Variants in MYH9 observed in about 807,000 individuals in gnomAD.
The protein encoded by MYH9 is myosin heavy chain 9.
In MYH9, 29 loss-of-function variants were observed where a neutral mutation model predicts 241.9. The ratio of observed to expected loss-of-function variants is 0.12; its 90% confidence interval spans 0.09 to 0.16. The LOEUF is 0.16. MYH9 is among the 10% of genes least tolerant of loss of function. MYH9 has a pLI of 1.00. For synonymous variants in MYH9, 1,047 were observed against 1,062.6 expected (o/e 0.99, Z 0.29); for missense variants, 1,803 against 2,595.5 (o/e 0.69, Z 6.63).
At position 36,283,308 on chromosome 22, in the gene MYH9, G is replaced by A. The variant is rs1282900254; in HGVS notation, c.5766-523C>T. Reference sequence around the variant, plus strand: ...TCTCAGCTCTCTGGGAGGCCGAGGCGGGTGGAGCACCTGAGGTCAGGAGTT... The same window carrying A: ...TCTCAGCTCTCTGGGAGGCCGAGGCAGGTGGAGCACCTGAGGTCAGGAGTT... On this transcript the variant is annotated intron_variant, in intron 40 of 40. Transcript: ENST00000216181. Among the ~76,000 whole-genome samples, 5 of 152,140 alleles carry A rather than the reference G, an allele frequency of 3.3e-5. No homozygotes were observed. The East Asian group carries it at 5.8e-4, about 18-fold the overall frequency.
chr22:36,371,633 TCATGC>T (rs2018091371), intron 1 of MYH9, among the ~76,000 whole-genome samples: 1 of 152,208 alleles, frequency 6.6e-6, no homozygotes, highest in Non-Finnish European at 1.5e-5. Context: ...CCTCCCAGGT[TCATGC>T]GATTCTTCCT....
Position 36,301,679 on chromosome 22 carries a change from T to C in MYH9, c.2500-14A>G, listed in dbSNP as rs199505086. ...CAGCGGCTTGACCTGGGAGAGGAGA[T>C]AGAGGTAGAGACATGCTCGGCTGGA... On this transcript the variant is annotated splice_polypyrimidine_tract_variant and intron_variant, in intron 20 of 40. Transcript: ENST00000216181. The C allele has an allele frequency of 4.5e-4, 719 of 1,612,298 alleles. 2 individuals carry two copies. Among genetic ancestry groups the C allele is most frequent in the South Asian group, 1.5e-3 (137 of 91,080 alleles).
At chr22:36,301,140 G>A in intron 21 of MYH9, 83 bp from the exon 22 acceptor site, 2 of 1,338,178 alleles carry the variant, frequency 1.5e-6, no homozygotes, top group Non-Finnish European at 2.1e-6. Flanking sequence ...CATGGCTCGG[G>A]ATCCCAGAGG....
chr22:36,355,775 C>CT (rs1353903514), intron 1 of MYH9, among the ~76,000 whole-genome samples: 1 of 152,192 alleles, frequency 6.6e-6, no homozygotes, highest in East Asian at 1.9e-4. Flanking sequence ...CAATGCCCTG[C>CT]TCCGTTTCCC....
At position 36,308,747 on chromosome 22, in the gene MYH9, T is replaced by C. The variant is rs1246054874; in HGVS notation, c.1843+535A>G. On this transcript the variant is annotated intron_variant, in intron 15 of 40. Transcript: ENST00000216181. ...GCGCGAGAAAACCTAGGCAGAAGCA[T>C]TTCTTGCACAGCTTTGGACGCACCA... 6 of 922,442 alleles carry C rather than the reference T, an allele frequency of 6.5e-6. No individual in the cohort carries two copies. In the African/African-American group the frequency reaches 1.1e-4, roughly 17 times the overall value. The allele number at this position is 922,442 out of a possible 1,614,324, so 57.1% of individuals were successfully genotyped here.
intron 2 of MYH9, among the ~76,000 whole-genome samples, chr22:36,347,787 A>G (rs1405154541): frequency 2.2e-5 from 3 of 138,208 alleles, no homozygotes; most frequent in Non-Finnish European, 3.1e-5. Context: ...GGCCAATTAA[A>G]AAAGACCCTG....
intron 1 of MYH9, among the ~76,000 whole-genome samples, chr22:36,376,571 G>A (rs780374920): frequency 4.6e-5 from 7 of 152,102 alleles, no homozygotes; most frequent in Non-Finnish European, 8.8e-5. Flanking sequence ...GAGTCTCTGC[G>A]GACTGACTTG....
chr22:36,337,629 G>A (rs1441600559), intron 3 of MYH9, among the ~76,000 whole-genome samples: 1 of 152,224 alleles, frequency 6.6e-6, no homozygotes, highest in Middle Eastern at 3.2e-3. Flanking sequence ...AGCTCAGGAA[G>A]GAAATCTTTG....
At chr22:36,331,309 CA>C (rs1409084587) in intron 3 of MYH9, among the ~76,000 whole-genome samples, 1 of 152,194 alleles carries the variant, frequency 6.6e-6, no homozygotes, top group Non-Finnish European at 1.5e-5. Flanking sequence ...CCCAACTGAG[CA>C]ATTCCCTGGC....
intron 1 of MYH9, among the ~76,000 whole-genome samples, chr22:36,351,140 G>A (rs1285816965): frequency 6.6e-6 from 1 of 152,192 alleles, no homozygotes; most frequent in Non-Finnish European, 1.5e-5. Context: ...CAAGGCCAAG[G>A]GGCTCCCCTG....
intron 20 of MYH9, 198 bp downstream of exon 20, chr22:36,302,370 G>A (rs757346288): frequency 8.2e-5 from 44 of 538,012 alleles, no homozygotes; most frequent in Admixed American, 1.6e-4. Context: ...AAAAAGGGCC[G>A]GGCACAGTGG....
intron 1 of MYH9, among the ~76,000 whole-genome samples, chr22:36,358,475 C>G (rs951281193): frequency 1.3e-5 from 2 of 152,150 alleles, no homozygotes; most frequent in Admixed American, 6.5e-5. Flanking sequence ...AGCTCTCCCC[C>G]ACACCCCTTC....
chr22:36,340,251 T>C (rs1197874441), intron 3 of MYH9, among the ~76,000 whole-genome samples: 1 of 151,512 alleles, frequency 6.6e-6, no homozygotes, highest in Admixed American at 6.6e-5. Context: ...CTAATAGCTC[T>C]GGGGGAATGA....
chr22:36,373,975 A>C (rs1206575858), intron 1 of MYH9, among the ~76,000 whole-genome samples: 1 of 152,222 alleles, frequency 6.6e-6, no homozygotes, highest in African/African-American at 2.4e-5. Context: ...GAAAAATGCA[A>C]AACGGTGGAT....
At position 36,285,964 on chromosome 22, in the gene MYH9, G is replaced by T; in HGVS notation, c.5062-11C>A. ...CGCGGCTGCCAGTTCCTGCCACAAA[G>T]ACCCAGAGTGTGACCTAAAGGCAGC... is the stretch of plus-strand genomic sequence containing the variant. On this transcript the variant is annotated splice_polypyrimidine_tract_variant and intron_variant, in intron 35 of 40. Transcript: ENST00000216181. The surrounding 1 kb of genome is among the most constrained non-coding windows in gnomAD (Gnocchi z 7.0). The T allele has an allele frequency of 6.2e-7, 1 of 1,609,502 alleles. No individual in the cohort carries two copies.
At chr22:36,318,697 C>A (rs922779699) in intron 10 of MYH9, among the ~76,000 whole-genome samples, 4 of 152,164 alleles carry the variant, frequency 2.6e-5, no homozygotes, top group African/African-American at 9.7e-5. Flanking sequence ...CCCTACCCAC[C>A]AATGGGGCTG....
intron 2 of MYH9, among the ~76,000 whole-genome samples, chr22:36,348,232 G>A (rs2146391827): frequency 6.6e-6 from 1 of 151,084 alleles, no homozygotes; most frequent in Admixed American, 6.6e-5. Context: ...AAACAGGCCA[G>A]GTGCGGTGGC....
intron 1 of MYH9, among the ~76,000 whole-genome samples, chr22:36,382,213 G>A (rs1368088903): frequency 6.6e-6 from 1 of 152,130 alleles, no homozygotes; most frequent in Non-Finnish European, 1.5e-5. Flanking sequence ...GGTGGCTCAC[G>A]CCTGTAATCC....
intron 9 of MYH9, 66 bp from the exon 10 acceptor site, chr22:36,319,701 C>G: frequency 6.7e-7 from 1 of 1,486,802 alleles, no homozygotes; most frequent in Admixed American, 1.8e-5. Context: ...GGGGTGGGGG[C>G]CACTCATCTA....
Sources: allele counts gnomAD v4.1 joint callset (sites outside exome capture counted in the v4.1 genomes callset), GRCh38; gene constraint gnomAD v4.1.1; non-coding constraint Gnocchi (gnomAD v3.1); transcripts MANE v1.5; gene names NCBI Gene and HGNC (gene_info 2026-07-23, HGNC 2026-07-21).